TCAF2: variants seen among roughly 807,000 people sequenced by gnomAD.
TCAF2 encodes TRPM8 channel-associated factor 2.
A neutral mutation model predicts 33.9 loss-of-function variants in TCAF2; 6 were observed. The ratio of observed to expected loss-of-function variants is 0.18; its 90% CI spans 0.10 to 0.35. The LOEUF (loss-of-function observed/expected upper bound fraction) is 0.35, where lower values mean the gene tolerates loss of function less well. Among genes scored for constraint, TCAF2 ranks in the 10% least tolerant of loss-of-function variants. TCAF2 has a pLI of 1.00. For synonymous variants in TCAF2, 41 were observed against 247.8 expected (o/e 0.17, Z 7.84); for missense variants, 109 against 604.0 (o/e 0.18, Z 8.59).
chr7:143,647,569 A>C (rs1809077256), intron 1 of TCAF2: 1 of 558,692 alleles, frequency 1.8e-6, no homozygotes, highest in Non-Finnish European at 3.1e-6. Flanking sequence ...CTGTGAGGGG[A>C]CTCCCCCTGT....
rs1809613829 is a variant in TCAF2, at chr7:143,724,549, T to C, written c.2357T>C (p.Val786Ala). ...ACCTGTAACCTTTGGTCAGTCTACG[T>C]GCATGAAACAGTCCTGGGGATCCCC... is the stretch of plus-strand genomic sequence containing the variant. The part of the protein sequence containing the change: ...EATCNLWSVY[V>A]HETVLGIPRA... The change falls in exon 7 of 8, where the codon GTG (valine) becomes GCG (alanine). Residue 786 changes from valine (V) to alanine (A), a missense_variant. Val to Ala is a moderately conservative substitution (Grantham distance 64). Transcript: ENST00000684770. The C allele has an allele frequency of 6.2e-7, 1 of 1,610,710 alleles. No homozygotes were observed. The highest frequency in any genetic ancestry group is 1.3e-5 in the African/African-American group (1 of 74,604).
At chr7:143,724,763 C>CAGGTCGCTA in intron 7 of TCAF2, 66 bp downstream of exon 7, 1 of 1,264,146 alleles carries the variant, frequency 7.9e-7, no homozygotes, top group Non-Finnish European at 1.1e-6. Context: ...GACCTGGATC[C>CAGGTCGCTA]CAGTAGCCCT....
At chr7:143,649,270 C>CA (rs1809132336) in intron 1 of TCAF2, among the ~76,000 whole-genome samples, 1 of 79,960 alleles carries the variant, frequency 1.3e-5, no homozygotes, top group African/African-American at 3.9e-5. Context: ...ACTCACATGG[C>CA]AAATGTCATA....
At chr7:143,701,851 C>T (rs1809179175) in intron 1 of TCAF2, among the ~76,000 whole-genome samples, 1 of 92,078 alleles carries the variant, frequency 1.1e-5, no homozygotes, top group African/African-American at 5.1e-5. Flanking sequence ...GTCTTGTTCT[C>T]TCGCACAGGC....
chr7:143,719,533 G>C, intron 2 of TCAF2, 150 bp from the exon 3 acceptor site: 1 of 739,432 alleles, frequency 1.4e-6, no homozygotes, highest in Non-Finnish European at 2.2e-6. Flanking sequence ...AATGATATTA[G>C]CATGCTAAAA....
chr7:143,718,484 A>G (rs973445600), intron 2 of TCAF2, among the ~76,000 whole-genome samples: 1 of 152,064 alleles, frequency 6.6e-6, no homozygotes, highest in Non-Finnish European at 1.5e-5. Context: ...AACTTTTTCC[A>G]TTAAGCATTT....
At chr7:143,719,521 T>C (rs200798132) in intron 2 of TCAF2, among the ~76,000 whole-genome samples, 162 bp from the exon 3 acceptor site, 15,877 of 150,636 alleles carry the variant, frequency 0.11, 1,134 homozygotes, top group East Asian at 0.25. Context: ...ATGATAAAAA[T>C]AAATGATATT....
chr7:143,718,609 T>TA (rs879282889), intron 2 of TCAF2, among the ~76,000 whole-genome samples: 121 of 146,764 alleles, frequency 8.2e-4, no homozygotes, highest in Middle Eastern at 3.5e-3. Context: ...CAAATTGTTT[T>TA]AAAAAAATTC....
chr7:143,721,143 G>C (rs1809538417), intron 3 of TCAF2, 138 bp from the exon 4 acceptor site: 1 of 441,914 alleles, frequency 2.3e-6, no homozygotes, highest in Non-Finnish European at 4.1e-6. Flanking sequence ...AAGGTTTAGA[G>C]GGGATGAGCC....
chr7:143,728,761 G>C lies in TCAF2; in HGVS notation c.*1094G>C, dbSNP rs937423228. The stretch of plus-strand genomic sequence containing the variant: ...CAACCCACACCCCAGCATCCCCTGA[G>C]CTTTCTCTTAATCTCATTCTAGCCC... On this transcript the variant is annotated 3_prime_UTR_variant, in exon 8 of 8. Transcript: ENST00000684770. 2 of 152,210 alleles carry C rather than the reference G, an allele frequency of 1.3e-5. No individual in the cohort carries two copies. The highest frequency in any genetic ancestry group is 2.9e-5 in the Non-Finnish European group (2 of 68,074). 9.4% of individuals were successfully genotyped at this position (152,210 alleles called of 1,614,324 possible). A position where few individuals can be genotyped will look rare whatever the true frequency, so the allele number is the denominator to read the frequency against.
rs1282889499 is a variant in TCAF2 at position 143,730,220 on chromosome 7, A to G, written c.*2553A>G. The G allele has an allele frequency of 1.3e-5, 2 of 152,160 alleles. No individual in the cohort carries two copies. The highest frequency in any genetic ancestry group is 2.9e-5 in the Non-Finnish European group (2 of 68,034). The allele number at this position is 152,160 out of a possible 1,614,324, so 9.4% of individuals were successfully genotyped here. ...AATGGTTGAACTAATTTACACTCCC[A>G]ACAACAGTGTAAAAGCATTCCTGTT... On this transcript the variant is annotated 3_prime_UTR_variant, in exon 8 of 8. Coordinates refer to ENST00000684770, the MANE Select transcript of TCAF2 (RefSeq NM_001363538.2).
At chr7:143,702,201 T>C (rs1197743479) in intron 1 of TCAF2, among the ~76,000 whole-genome samples, 5 of 1,054 alleles carry the variant, frequency 4.7e-3, no homozygotes, top group Admixed American at 0.025. Flanking sequence ...AAACTGAGAC[T>C]GAAGTCATTT....
At chr7:143,725,615 GAA>G (rs1809661574) in intron 7 of TCAF2, among the ~76,000 whole-genome samples, 1 of 137,540 alleles carries the variant, frequency 7.3e-6, no homozygotes, top group East Asian at 2.1e-4. Flanking sequence ...CTAATTTTCT[GAA>G]GAGTGAATGT....
rs1809726624 is a variant in TCAF2, at chr7:143,728,193, C to T, written c.*526C>T. On this transcript the variant is annotated 3_prime_UTR_variant, in exon 8 of 8. Transcript: ENST00000684770. The stretch of plus-strand genomic sequence containing the variant: ...CATGAGGATACAAATCTTTTCCTCA[C>T]AAAGCTGTTGTTTGATTTCTCCTGG... 5.5e-6 allele frequency: 1 copy of T among 180,452 alleles called. No individual in the cohort carries two copies. The highest frequency in any genetic ancestry group is 1.2e-5 in the Non-Finnish European group (1 of 84,940). The allele number at this position is 180,452 out of a possible 1,614,324, so 11.2% of individuals were successfully genotyped here. A position where few individuals can be genotyped will look rare whatever the true frequency, so the allele number is the denominator to read the frequency against.
rs964905742 is a variant in TCAF2, at chr7:143,730,241, C to G, written c.*2574C>G. 2.6e-5 allele frequency: 4 copies of G among 152,130 alleles called. No individual in the cohort carries two copies. Among genetic ancestry groups the G allele is most frequent in the African/African-American group, 9.7e-5 (4 of 41,424 alleles). 9.4% of individuals were successfully genotyped at this position (152,130 alleles called of 1,614,324 possible). A position where few individuals can be genotyped will look rare whatever the true frequency, so the allele number is the denominator to read the frequency against. ...TCCCAACAACAGTGTAAAAGCATTC[C>G]TGTTTCTCCACAGCCTCACCAACAT... On this transcript the variant is annotated 3_prime_UTR_variant, in exon 8 of 8. Coordinates refer to ENST00000684770, the MANE Select transcript of TCAF2 (RefSeq NM_001363538.2).
chr7:143,648,566 A>T (rs1187805496), intron 1 of TCAF2, among the ~76,000 whole-genome samples: 1 of 106,436 alleles, frequency 9.4e-6, no homozygotes, highest in Non-Finnish European at 2.1e-5. Context: ...ATCTAGGAAC[A>T]CATCACAATT....
rs1809748786 is a variant in TCAF2 at position 143,728,926 on chromosome 7, A to C, written c.*1259A>C. 6.6e-6 allele frequency: 1 copy of C among 152,146 alleles called. No individual in the cohort carries two copies. Among genetic ancestry groups the C allele is most frequent in the African/African-American group, 2.4e-5 (1 of 41,424 alleles). The allele number at this position is 152,146 out of a possible 1,614,324, so 9.4% of individuals were successfully genotyped here. A position where few individuals can be genotyped will look rare whatever the true frequency, so the allele number is the denominator to read the frequency against. On this transcript the variant is annotated 3_prime_UTR_variant, in exon 8 of 8. Coordinates refer to ENST00000684770, the MANE Select transcript of TCAF2 (RefSeq NM_001363538.2). ...GAATATCATTCCTTAGGCTATGTTG[A>C]GAGTAGAGTGGCTTCCCATTAGGAG...
In TCAF2 at chr7:143,724,509, C is replaced by T; in HGVS notation, c.2317C>T (p.His773Tyr). 6.2e-7 allele frequency: 1 copy of T among 1,611,208 alleles called. No individual in the cohort carries two copies. The highest frequency in any genetic ancestry group is 8.5e-7 in the Non-Finnish European group (1 of 1,179,562). The change falls in exon 7 of 8, where the codon CAC (histidine) becomes TAC (tyrosine). Residue 773 changes from histidine to tyrosine, a missense_variant. Transcript: ENST00000684770. The stretch of plus-strand genomic sequence containing the variant: ...GCGGCATGGATGGGAGTTCCCCCCA[C>T]ACACTACTGAGGCCACCTGTAACCT... The part of the protein sequence containing the change: ...QQRHGWEFPP[H>Y]TTEATCNLWS...
chr7:143,728,946 TAGG>T lies in TCAF2; in HGVS notation c.*1282_*1284del, dbSNP rs751601704. On this transcript the variant is annotated 3_prime_UTR_variant, in exon 8 of 8. Transcript: ENST00000684770. ...TGTTGAGAGTAGAGTGGCTTCCCAT[TAGG>T]AGAACTAATTTAGGGCATGTCTTTT... 1 of 152,210 alleles carries T rather than the reference TAGG, an allele frequency of 6.6e-6. No individual in the cohort carries two copies. The highest frequency in any genetic ancestry group is 1.5e-5 in the Non-Finnish European group (1 of 68,034). The allele number at this position is 152,210 out of a possible 1,614,324, so 9.4% of individuals were successfully genotyped here.
Sources: gnomAD v4.1 joint callset for allele counts (sites outside exome capture counted in the v4.1 genomes callset) on GRCh38, gnomAD v4.1.1 for gene constraint, MANE v1.5 for transcripts, NCBI Gene and HGNC (gene_info 2026-07-23, HGNC 2026-07-21) for gene names.